The following ARHGAP21 variants were observed in gnomAD, a reference collection of about 807,000 sequenced individuals.
The protein encoded by ARHGAP21 is rho GTPase-activating protein 21.
Under a neutral mutation model 164.6 loss-of-function variants are expected in ARHGAP21, and 38 were observed. The observed-to-expected ratio is 0.23, with a 90% CI of 0.18 to 0.30. ARHGAP21 has a LOEUF of 0.30. Ranked by LOEUF, ARHGAP21 falls within the 10% of genes least tolerant of loss-of-function variation. The pLI, the probability that ARHGAP21 is intolerant of heterozygous loss-of-function variation, is 1.00. For missense variants in ARHGAP21, 1,822 were observed against 2,370.7 expected, an observed-to-expected ratio of 0.77 and a Z score of 4.81; for synonymous variants, 766 against 857.9, an observed-to-expected ratio of 0.89 and a Z score of 1.87.
At chr10:24,588,814 C>T (rs1316926329) in intron 25 of ARHGAP21, among the ~76,000 whole-genome samples, 5 of 152,010 alleles carry the variant, frequency 3.3e-5, no homozygotes, top group Non-Finnish European at 7.4e-5. Flanking sequence ...AAATGCATAA[C>T]AAAAAATTGG....
chr10:24,713,998 G>A (rs1280868463), intron 2 of ARHGAP21, among the ~76,000 whole-genome samples: 2 of 152,158 alleles, frequency 1.3e-5, no homozygotes, highest in Non-Finnish European at 2.9e-5. Flanking sequence ...GGAAGATATG[G>A]AAGGCTTACA....
chr10:24,612,090 TTA>T (rs2077287865), intron 9 of ARHGAP21, among the ~76,000 whole-genome samples: 1 of 152,148 alleles, frequency 6.6e-6, no homozygotes, highest in Admixed American at 6.5e-5. Flanking sequence ...TTAATGTACT[TTA>T]TATTTTATGA....
chr10:24,639,125 G>C (rs1166712770), intron 4 of ARHGAP21, among the ~76,000 whole-genome samples: 8 of 152,020 alleles, frequency 5.3e-5, no homozygotes, highest in Admixed American at 2.6e-4. Flanking sequence ...AAGACCTTGG[G>C]CCCTATAACC....
chr10:24,587,163 T>G (rs1316702606), intron 25 of ARHGAP21, among the ~76,000 whole-genome samples: 1 of 152,102 alleles, frequency 6.6e-6, no homozygotes, highest in Non-Finnish European at 1.5e-5. Flanking sequence ...TAAAAAAAAT[T>G]TTTTAAGATG....
intron 4 of ARHGAP21, among the ~76,000 whole-genome samples, chr10:24,657,049 C>T (rs370805079): frequency 0.044 from 1,542 of 34,950 alleles, 20 homozygotes; most frequent in Middle Eastern, 0.14. Context: ...CCCGGCCAGC[C>T]GCCCCGTCCG....
At chr10:24,618,604 C>A (rs1330490147) in intron 9 of ARHGAP21, among the ~76,000 whole-genome samples, 4 of 152,070 alleles carry the variant, frequency 2.6e-5, no homozygotes, top group African/African-American at 9.7e-5. Context: ...GGGTTAGAAA[C>A]CAGCTGTACC....
At chr10:24,660,437 C>T (rs1260109891) in intron 4 of ARHGAP21, among the ~76,000 whole-genome samples, 1 of 138,272 alleles carries the variant, frequency 7.2e-6, no homozygotes, top group African/African-American at 2.7e-5. Context: ...GTGAATGTTC[C>T]CTCCCAAAGA....
At chr10:24,662,698 G>T (rs982186842) in intron 4 of ARHGAP21, among the ~76,000 whole-genome samples, 2 of 152,102 alleles carry the variant, frequency 1.3e-5, no homozygotes, top group Non-Finnish European at 2.9e-5. Flanking sequence ...AGATCTTCTG[G>T]ACTTAATACA....
In ARHGAP21 at chr10:24,585,414, T is replaced by A. The variant is rs372262105; in HGVS notation, c.4875A>T (p.Glu1625Asp). The change falls in exon 26 of 26, where the codon GAA becomes GAT. Residue 1625 changes from glutamate (E) to aspartate (D), a missense_variant. Physicochemically the swap from Glu to Asp is conservative, Grantham distance 45 (BLOSUM62 2). Coordinates refer to ENST00000396432, the MANE Select transcript of ARHGAP21 (RefSeq NM_020824.4). ...CCACAGGCCGCCCTTCACTGATGAG[T>A]TCGCTTCTCTCGTCATCTGCCTCGT... ...KGDEADDERS[E>D]LISEGRPVET... 5.6e-6 allele frequency: 9 copies of A among 1,613,974 alleles called. No homozygotes were observed. Among genetic ancestry groups the A allele is most frequent in the Non-Finnish European group, 7.6e-6 (9 of 1,180,046 alleles).
At chr10:24,651,712 T>A (rs1431789976) in intron 4 of ARHGAP21, among the ~76,000 whole-genome samples, 2 of 152,222 alleles carry the variant, frequency 1.3e-5, no homozygotes, top group Non-Finnish European at 2.9e-5. Flanking sequence ...ATTAAGTGAT[T>A]AAGGAAGAAA....
At chr10:24,697,993 C>G (rs1466392151) in intron 2 of ARHGAP21, among the ~76,000 whole-genome samples, 1 of 152,136 alleles carries the variant, frequency 6.6e-6, no homozygotes, top group African/African-American at 2.4e-5. Context: ...GTTGATAAAG[C>G]TAGTAAATTC....
intron 1 of ARHGAP21, chr10:24,722,604 A>T (rs1197864914): frequency 1.3e-5 from 2 of 152,240 alleles, no homozygotes; most frequent in East Asian, 3.9e-4. Flanking sequence ...CCAGACAGGG[A>T]CACTTCGGTG....
chr10:24,587,860 A>AAGT (rs2076172495), intron 25 of ARHGAP21, among the ~76,000 whole-genome samples: 1 of 152,156 alleles, frequency 6.6e-6, no homozygotes, highest in East Asian at 1.9e-4. Context: ...TGTTTGTTAG[A>AAGT]AGTAGTTAAT....
chr10:24,590,522 G>GA, intron 24 of ARHGAP21: 1 of 1,526,166 alleles, frequency 6.6e-7, no homozygotes, highest in Admixed American at 2.0e-5. Context: ...AGTAAGAGCT[G>GA]AAAAAACCCT....
At chr10:24,633,342 C>A in intron 6 of ARHGAP21, 60 bp downstream of exon 6, 1 of 1,167,508 alleles carries the variant, frequency 8.6e-7, no homozygotes, top group Non-Finnish European at 1.3e-6. Flanking sequence ...TGTATTAAAT[C>A]TATGTGCTCT....
At chr10:24,679,068 A>T (rs888416571) in intron 2 of ARHGAP21, among the ~76,000 whole-genome samples, 2 of 152,234 alleles carry the variant, frequency 1.3e-5, no homozygotes, top group Non-Finnish European at 2.9e-5. Context: ...ATATGCTATG[A>T]ACATTCACGT....
At chr10:24,626,519 C>T (rs1388414842) in intron 7 of ARHGAP21, among the ~76,000 whole-genome samples, 3 of 152,110 alleles carry the variant, frequency 2.0e-5, no homozygotes, top group Non-Finnish European at 2.9e-5. Context: ...TGGGCCCTCA[C>T]GAGACACCAA....
At chr10:24,719,339 G>A (rs1008633436) in intron 2 of ARHGAP21, among the ~76,000 whole-genome samples, 4 of 152,072 alleles carry the variant, frequency 2.6e-5, no homozygotes, top group Non-Finnish European at 5.9e-5. Context: ...CCTGGGGGTG[G>A]GGAGGCCTAA....
rs1366040242 is a variant in ARHGAP21, at chr10:24,621,088, T to C, written c.807A>G (p.Glu269=). 6 of 1,613,794 alleles carry C rather than the reference T, an allele frequency of 3.7e-6. No homozygotes were observed. In the African/African-American group the frequency reaches 4.0e-5, roughly 11 times the overall value. The change falls in exon 9 of 26, where the codon GAA becomes GAG. Residue 269 remains glutamate (E), a synonymous_variant. Coordinates refer to ENST00000396432, the MANE Select transcript of ARHGAP21 (RefSeq NM_020824.4). ...KSNTAVCVCN[E]SVRTVIVPSE... ...AAGGCACAATGACAGTCCTTACACT[T>C]TCATTGCAAACACACACTGCTGTGT...
Sources: gnomAD v4.1 joint callset for allele counts (sites outside exome capture counted in the v4.1 genomes callset) on GRCh38, gnomAD v4.1.1 for gene constraint, MANE v1.5 for transcripts, NCBI Gene and HGNC (gene_info 2026-07-23, HGNC 2026-07-21) for gene names.